GSE1: variants seen among roughly 807,000 people sequenced by gnomAD.
The protein encoded by GSE1 is genetic suppressor element 1.
GSE1 carries 32 observed loss-of-function variants against 112.6 expected under a neutral mutation model. The ratio of observed to expected loss-of-function variants is 0.28; its 90% CI spans 0.21 to 0.38. The LOEUF (loss-of-function observed/expected upper bound fraction) is 0.38, where lower values mean the gene tolerates loss of function less well. Ranked by LOEUF, GSE1 falls within the 10% of genes least tolerant of loss-of-function variation. GSE1 has a pLI of 1.00. For synonymous variants in GSE1, 1,115 were observed against 735.6 expected (o/e 1.52, Z -8.35); for missense variants, 2,348 against 1,699.2 (o/e 1.38, Z -6.71).
intron 1 of GSE1, among the ~76,000 whole-genome samples, chr16:85,202,952 C>T (rs1362247707): frequency 1.3e-5 from 2 of 150,234 alleles, no homozygotes; most frequent in South Asian, 2.1e-4. Context: ...TTCGCCTCCT[C>T]CCCTTCCCTC....
At chr16:85,455,198 C>G (rs911088267) in intron 2 of GSE1, among the ~76,000 whole-genome samples, 1 of 152,194 alleles carries the variant, frequency 6.6e-6, no homozygotes, top group Non-Finnish European at 1.5e-5. Flanking sequence ...CCCAGGGTCC[C>G]TCTTCACAGG....
At chr16:85,328,986 C>T (rs1283957863) in intron 1 of GSE1, among the ~76,000 whole-genome samples, 1 of 152,220 alleles carries the variant, frequency 6.6e-6, no homozygotes, top group Non-Finnish European at 1.5e-5. Flanking sequence ...AACCCTTCAT[C>T]AGGGCCCAAG....
chr16:85,441,153 G>C (rs924715098), intron 2 of GSE1, among the ~76,000 whole-genome samples: 2 of 152,200 alleles, frequency 1.3e-5, no homozygotes, highest in Non-Finnish European at 2.9e-5. Context: ...CCTCGGCACT[G>C]TTGGCATTTG....
At chr16:85,339,868 G>C (rs1308493680) in intron 1 of GSE1, among the ~76,000 whole-genome samples, 2 of 152,156 alleles carry the variant, frequency 1.3e-5, no homozygotes, top group African/African-American at 4.8e-5. Context: ...TGAAATGTCA[G>C]CTTCACAGAA....
Position 85,654,259 on chromosome 16 carries a change from G to A in GSE1, c.427-19G>A. The A allele has an allele frequency of 6.4e-7, 1 of 1,574,462 alleles. No individual in the cohort carries two copies. The highest frequency in any genetic ancestry group is 8.6e-7 in the Non-Finnish European group (1 of 1,161,256). On this transcript the variant is annotated intron_variant, in intron 3 of 15. Transcript: ENST00000253458. ...CCTATACCAGGCTCCTGCCCTGACT[G>A]GACGCTCTCCTCCCGCAGGATGCCG...
chr16:85,585,864 G>T (rs2046668232), intron 1 of GSE1, among the ~76,000 whole-genome samples: 1 of 152,186 alleles, frequency 6.6e-6, no homozygotes, highest in Admixed American at 6.5e-5. Flanking sequence ...TGTGGACTTG[G>T]AGCCAGCCTG....
At chr16:85,638,114 AC>A (rs1274911865) in intron 2 of GSE1, among the ~76,000 whole-genome samples, 6 of 151,878 alleles carry the variant, frequency 4.0e-5, no homozygotes, top group Admixed American at 2.6e-4. Context: ...TGCACGCCTG[AC>A]GACTTCTGGA....
At chr16:85,526,587 G>A (rs1469844863) in intron 2 of GSE1, among the ~76,000 whole-genome samples, 1 of 152,188 alleles carries the variant, frequency 6.6e-6, no homozygotes, top group Admixed American at 6.5e-5. Flanking sequence ...CAGGGCAGTG[G>A]TTACAGGCAG....
chr16:85,223,709 A>G (rs908186736), intron 1 of GSE1, among the ~76,000 whole-genome samples: 10 of 151,430 alleles, frequency 6.6e-5, no homozygotes, highest in African/African-American at 9.7e-5. Context: ...GGTTCAAGCA[A>G]TTCTCCTGCC....
At chr16:85,612,447 C>T (rs1318422088), upstream of GSE1, among the ~76,000 whole-genome samples, 6 of 152,200 alleles carry the variant, frequency 3.9e-5, no homozygotes, top group Admixed American at 3.3e-4. Context: ...TGGGTCGTGC[C>T]AGTTTCTGGA....
At chr16:85,512,484 A>G (rs2051781043) in intron 2 of GSE1, among the ~76,000 whole-genome samples, 1 of 152,128 alleles carries the variant, frequency 6.6e-6, no homozygotes, top group African/African-American at 2.4e-5. Flanking sequence ...TGGGAACCCC[A>G]CGCTTCAAAG....
chr16:85,442,216 C>A (rs975439142), intron 2 of GSE1, among the ~76,000 whole-genome samples: 9 of 152,190 alleles, frequency 5.9e-5, no homozygotes, highest in African/African-American at 1.9e-4. Flanking sequence ...TGCTGCCCCC[C>A]TCCTCCTTAA....
intron 2 of GSE1, among the ~76,000 whole-genome samples, chr16:85,434,074 A>G (rs2049184851): frequency 6.6e-6 from 1 of 152,148 alleles, no homozygotes; most frequent in Non-Finnish European, 1.5e-5. Context: ...GGGGCAGCAG[A>G]AATTCTCCAG....
chr16:85,353,051 C>G (rs2046881802), intron 1 of GSE1, among the ~76,000 whole-genome samples: 1 of 152,244 alleles, frequency 6.6e-6, no homozygotes, highest in African/African-American at 2.4e-5. Context: ...CTTACAGCCA[C>G]ACATGTTTAT....
chr16:85,541,808 G>A (rs1287590728), intron 2 of GSE1, among the ~76,000 whole-genome samples: 8 of 152,202 alleles, frequency 5.3e-5, no homozygotes, highest in Admixed American at 5.2e-4. Flanking sequence ...CCACGTCCCT[G>A]CCTCGCTGCT....
chr16:85,656,797 G>T, intron 7 of GSE1, 132 bp downstream of exon 7: 1 of 1,276,242 alleles, frequency 7.8e-7, no homozygotes, highest in Non-Finnish European at 1.0e-6. Context: ...AGCGTGGTGT[G>T]GCTGAACATG....
At chr16:85,331,768 A>G (rs1247406636) in intron 1 of GSE1, among the ~76,000 whole-genome samples, 1 of 144,918 alleles carries the variant, frequency 6.9e-6, no homozygotes, top group Non-Finnish European at 1.5e-5. Context: ...GGCTGGTCTC[A>G]AACTCCTGAC....
intron 5 of GSE1, 150 bp downstream of exon 5, chr16:85,655,141 C>T (rs1406683137): frequency 1.5e-6 from 1 of 649,994 alleles, no homozygotes. Context: ...CAGCTTTGAG[C>T]CTAAATTCAG....
At chr16:85,594,228 G>T (rs2047120033) in intron 1 of GSE1, 1 of 112,130 alleles carries the variant, frequency 8.9e-6, no homozygotes, top group Non-Finnish European at 2.0e-5. Flanking sequence ...CGATCCCTGG[G>T]GGGTTGGGGG....
Sources: gnomAD v4.1 joint callset for allele counts (sites outside exome capture counted in the v4.1 genomes callset) on GRCh38, gnomAD v4.1.1 for gene constraint, MANE v1.5 for transcripts, NCBI Gene and HGNC (gene_info 2026-07-23, HGNC 2026-07-21) for gene names.